The following ARMC2 variants were observed in gnomAD, a reference collection of about 807,000 sequenced individuals.
ARMC2 encodes the protein armadillo repeat containing 2.
ARMC2 carries 67 observed loss-of-function variants against 90.3 expected under a neutral mutation model. The observed-to-expected ratio is 0.74, with a 90% CI of 0.61 to 0.91. The LOEUF is 0.91. Among genes scored for constraint, ARMC2 ranks in the 40% least tolerant of loss-of-function variants. The pLI, the probability that ARMC2 is intolerant of heterozygous loss-of-function variation, is 0.00. For synonymous variants in ARMC2, 393 were observed against 393.0 expected, an observed-to-expected ratio of 1.00 and a Z score of 0.00; for missense variants, 920 against 1,030.9, an observed-to-expected ratio of 0.89 and a Z score of 1.47.
chr6:108,993,088 G>C, the ARMC2 span: 1 of 517,068 alleles, frequency 1.9e-6, no homozygotes, highest in East Asian at 3.4e-5. Flanking sequence ...GAGATTTTCT[G>C]TTATAAAATG....
the ARMC2 span, among the ~76,000 whole-genome samples, chr6:109,039,352 C>T: frequency 6.6e-6 from 1 of 152,348 alleles, no homozygotes; most frequent in African/African-American, 2.4e-5. Flanking sequence ...ATCTTACATT[C>T]TCAAACATGA....
chr6:109,023,973 T>TC, the ARMC2 span, among the ~76,000 whole-genome samples: 8 of 151,782 alleles, frequency 5.3e-5, no homozygotes, highest in Non-Finnish European at 4.4e-5. Context: ...AATTCAATGA[T>TC]CACACACACA....
chr6:109,022,075 AT>A, the ARMC2 span, among the ~76,000 whole-genome samples: 1 of 150,420 alleles, frequency 6.6e-6, no homozygotes, highest in Non-Finnish European at 1.5e-5. Context: ...CCCAGTATAT[AT>A]TTTTTGAGAA....
chr6:109,036,387 G>A, the ARMC2 span, among the ~76,000 whole-genome samples: 1 of 152,164 alleles, frequency 6.6e-6, no homozygotes, highest in African/African-American at 2.4e-5. Flanking sequence ...GTCCTTTTGT[G>A]AGGAATGGAA....
the ARMC2 span, among the ~76,000 whole-genome samples, chr6:108,981,032 A>G: frequency 6.6e-6 from 1 of 152,102 alleles, no homozygotes; most frequent in Non-Finnish European, 1.5e-5. Flanking sequence ...TAATGTAAGT[A>G]TATGCTGGTA....
chr6:108,964,731 G>A (rs1213776842), intron 16 of ARMC2, among the ~76,000 whole-genome samples: 2 of 151,870 alleles, frequency 1.3e-5, no homozygotes, highest in Non-Finnish European at 2.9e-5. Context: ...TGGAGGTTGC[G>A]GTGAGCCGAG....
At chr6:108,924,773 G>A (rs1321213308) in intron 10 of ARMC2, among the ~76,000 whole-genome samples, 1 of 152,216 alleles carries the variant, frequency 6.6e-6, no homozygotes, top group African/African-American at 2.4e-5. Flanking sequence ...CAGGGAAGGC[G>A]GAGCTTTGAG....
chr6:108,974,776 G>A (rs144517542), downstream of ARMC2, among the ~76,000 whole-genome samples: 3 of 152,078 alleles, frequency 2.0e-5, no homozygotes, highest in African/African-American at 7.2e-5. Context: ...GGTTCTTGAA[G>A]CCTATTAGAA....
intron 2 of ARMC2, among the ~76,000 whole-genome samples, chr6:108,856,102 GTGT>G (rs1377568029): frequency 6.6e-5 from 10 of 152,054 alleles, no homozygotes; most frequent in African/African-American, 2.2e-4. Context: ...CTTGCTTTTG[GTGT>G]TGTATATTAA....
chr6:108,911,785 A>G (rs1773460590), intron 9 of ARMC2, among the ~76,000 whole-genome samples: 1 of 152,136 alleles, frequency 6.6e-6, no homozygotes, highest in South Asian at 2.1e-4. Flanking sequence ...TATTAACGTT[A>G]TTGGATTTGC....
At position 108,912,489 on chromosome 6, in the gene ARMC2, A is replaced by C; in HGVS notation, c.1281A>C (p.Ile427=). 1 of 1,614,032 alleles carries C rather than the reference A, an allele frequency of 6.2e-7. No individual in the cohort carries two copies. Among genetic ancestry groups the C allele is most frequent in the Non-Finnish European group, 8.5e-7 (1 of 1,179,878 alleles). The stretch of plus-strand genomic sequence containing the variant: ...CTGTGGAAATACTGATAAATTTGAT[A>C]AAACAAATAAATGAGAACATCAAGA... ...KGAVEILINL[I]KQINENIKKC... is the part of the protein sequence containing the mutation. Residue 427 remains isoleucine, a synonymous_variant, in exon 10 of 18, where the codon ATA becomes ATC. Coordinates refer to ENST00000392644, the MANE Select transcript of ARMC2 (RefSeq NM_032131.6).
intron 4 of ARMC2, 51 bp downstream of exon 4, chr6:108,869,046 A>C: frequency 6.6e-7 from 1 of 1,504,874 alleles, no homozygotes; most frequent in Non-Finnish European, 8.9e-7. Flanking sequence ...TGCTTCTTGA[A>C]TTTGCACACA....
At chr6:108,893,572 C>G (rs1320855793) in intron 5 of ARMC2, among the ~76,000 whole-genome samples, 1 of 152,186 alleles carries the variant, frequency 6.6e-6, no homozygotes, top group East Asian at 1.9e-4. Flanking sequence ...AACAGTGACC[C>G]CTTGTGGTAT....
intron 10 of ARMC2, among the ~76,000 whole-genome samples, chr6:108,926,019 A>C (rs889065973): frequency 6.6e-6 from 1 of 152,134 alleles, no homozygotes; most frequent in African/African-American, 2.4e-5. Flanking sequence ...AAGGAGAAAA[A>C]ATTGAGATTG....
chr6:109,006,638 C>T, the ARMC2 span, among the ~76,000 whole-genome samples: 3 of 152,110 alleles, frequency 2.0e-5, no homozygotes, highest in South Asian at 6.2e-4. Flanking sequence ...CTCTTTAAGA[C>T]TTCTTGATAC....
At chr6:108,900,568 C>CG (rs1287379014) in intron 7 of ARMC2, among the ~76,000 whole-genome samples, 3 of 152,198 alleles carry the variant, frequency 2.0e-5, no homozygotes. Flanking sequence ...GGAAGATGCT[C>CG]TAAGAGAAGC....
chr6:108,932,516 CTTTTTTTTTTTT>C (rs60000198), intron 11 of ARMC2, among the ~76,000 whole-genome samples: 2 of 77,894 alleles, frequency 2.6e-5, no homozygotes, highest in African/African-American at 1.2e-4. Context: ...TTCTCCATTG[CTTTTTTTTTTTT>C]TTTTTTTTTT....
At chr6:108,886,258 A>C (rs1321715547) in intron 5 of ARMC2, among the ~76,000 whole-genome samples, 1 of 152,218 alleles carries the variant, frequency 6.6e-6, no homozygotes, top group African/African-American at 2.4e-5. Flanking sequence ...CCAAAGTAGG[A>C]ATAAACAAAC....
At chr6:109,047,695 C>T in the ARMC2 span, among the ~76,000 whole-genome samples, 28 of 139,642 alleles carry the variant, frequency 2.0e-4, no homozygotes, top group African/African-American at 6.2e-4. Context: ...GGATGGTTGC[C>T]GTGTCTGTGT....
Sources: gnomAD v4.1 joint callset for allele counts (sites outside exome capture counted in the v4.1 genomes callset) on GRCh38, gnomAD v4.1.1 for gene constraint, MANE v1.5 for transcripts, NCBI Gene and HGNC (gene_info 2026-07-23, HGNC 2026-07-21) for gene names.